Variants in FHIT observed in about 807,000 individuals in gnomAD.
FHIT encodes bis(5'-adenosyl)-triphosphatase.
Under a neutral mutation model 17.9 loss-of-function variants are expected in FHIT, and 19 were observed. That is an observed-to-expected ratio of 1.06 (90% CI 0.74 to 1.56). The LOEUF (loss-of-function observed/expected upper bound fraction) is 1.56. FHIT is among the 40% of genes most tolerant of loss of function. The probability of loss-of-function intolerance (pLI) is 0.00; values close to 1 mark genes in which losing one functional copy is unlikely to be tolerated. For synonymous variants in FHIT, 81 were observed against 69.7 expected (o/e 1.16, Z -0.81); for missense variants, 248 against 189.2 (o/e 1.31, Z -1.82).
chr3:61,225,787 G>C (rs1389929681), intron 1 of FHIT, among the ~76,000 whole-genome samples: 1 of 152,180 alleles, frequency 6.6e-6, no homozygotes, highest in Non-Finnish European at 1.5e-5. Flanking sequence ...GTTGTAGCTT[G>C]TTTTCCATCA....
At chr3:61,131,411 A>T (rs1158006817) in intron 2 of FHIT, among the ~76,000 whole-genome samples, 2 of 152,220 alleles carry the variant, frequency 1.3e-5, no homozygotes, top group East Asian at 3.8e-4. Flanking sequence ...TTTGGTTGTT[A>T]TCAAAATATT....
intron 8 of FHIT, among the ~76,000 whole-genome samples, chr3:59,901,863 A>C (rs1010769168): frequency 1.3e-5 from 2 of 152,228 alleles, no homozygotes; most frequent in Non-Finnish European, 2.9e-5. Context: ...ATTATTCATA[A>C]GAAGCAAAAA....
At chr3:59,979,750 C>A (rs1038835025) in intron 7 of FHIT, among the ~76,000 whole-genome samples, 1 of 152,042 alleles carries the variant, frequency 6.6e-6, no homozygotes, top group Non-Finnish European at 1.5e-5. Context: ...TCCCACCCTG[C>A]CCATAAATGA....
At chr3:60,087,104 C>T (rs1355913730) in intron 5 of FHIT, among the ~76,000 whole-genome samples, 7 of 152,216 alleles carry the variant, frequency 4.6e-5, no homozygotes, top group Non-Finnish European at 8.8e-5. Flanking sequence ...AGGCTCATGG[C>T]TTGCACCCTC....
chr3:60,437,743 A>G (rs372068989), intron 5 of FHIT, among the ~76,000 whole-genome samples: 2 of 152,136 alleles, frequency 1.3e-5, no homozygotes, highest in African/African-American at 2.4e-5. Context: ...ATGTTACTAA[A>G]TAAAGGCCTT....
rs115345841 is a variant in FHIT, at chr3:60,017,664, C to T, written c.104-3512G>A. On this transcript the variant is annotated intron_variant, in intron 5 of 9. Coordinates refer to ENST00000492590, the MANE Select transcript of FHIT (RefSeq NM_002012.4). ...TTTTGTTTTCCCTTTTCGTCTCCTC[C>T]TCTTCATGCTCACCACCAGCCCAGA... 2.4e-3 allele frequency among the ~76,000 whole-genome samples: 363 copies of T among 152,278 alleles called. 2 individuals carry two copies. The highest frequency in any genetic ancestry group is 8.5e-3 in the African/African-American group (354 of 41,558).
chr3:61,153,142 C>CAAAAAA (rs372065718), intron 2 of FHIT, among the ~76,000 whole-genome samples: 5 of 78,402 alleles, frequency 6.4e-5, no homozygotes, highest in Non-Finnish European at 8.4e-5. Flanking sequence ...GACTCCATCT[C>CAAAAAA]AAAAAAAAAA....
chr3:60,328,390 G>C (rs951306113), intron 5 of FHIT, among the ~76,000 whole-genome samples: 1 of 152,196 alleles, frequency 6.6e-6, no homozygotes, highest in Non-Finnish European at 1.5e-5. Flanking sequence ...CACATGGCTG[G>C]AGAGGCCTTA....
At chr3:60,939,691 T>C (rs575471464) in intron 3 of FHIT, among the ~76,000 whole-genome samples, 3 of 152,160 alleles carry the variant, frequency 2.0e-5, no homozygotes, top group Non-Finnish European at 4.4e-5. Flanking sequence ...GAAATTATTA[T>C]AACCGAAGAC....
At chr3:60,418,372 GTGTGTATATATATATATATA>G (rs1314948654) in intron 5 of FHIT, among the ~76,000 whole-genome samples, 15 of 5,338 alleles carry the variant, frequency 2.8e-3, no homozygotes, top group Non-Finnish European at 6.8e-3. Context: ...GTATCTGAAT[GTGTGTATATATATATATATA>G]TATATATATA....
intron 5 of FHIT, among the ~76,000 whole-genome samples, chr3:60,345,538 A>C (rs1031123045): frequency 1.3e-5 from 2 of 152,222 alleles, no homozygotes; most frequent in African/African-American, 4.8e-5. Context: ...AGATTTCAGA[A>C]AACCAATTGT....
intron 4 of FHIT, chr3:60,732,357 C>A: frequency 2.3e-6 from 2 of 856,494 alleles, no homozygotes; most frequent in Non-Finnish European, 4.0e-6. Flanking sequence ...GATGCCAGTA[C>A]CTCTATGCTT....
intron 3 of FHIT, among the ~76,000 whole-genome samples, chr3:60,882,370 T>C (rs1401221888): frequency 2.6e-5 from 4 of 152,118 alleles, no homozygotes; most frequent in Non-Finnish European, 4.4e-5. Context: ...TCTTTCAAGC[T>C]GATTCTACAA....
At chr3:60,629,753 A>G (rs1358888177) in intron 4 of FHIT, among the ~76,000 whole-genome samples, 2 of 152,140 alleles carry the variant, frequency 1.3e-5, no homozygotes, top group Non-Finnish European at 2.9e-5. Flanking sequence ...TGATTGCTTT[A>G]ATGTATCTAG....
chr3:60,304,659 C>T (rs751048118), intron 5 of FHIT, among the ~76,000 whole-genome samples: 5 of 152,036 alleles, frequency 3.3e-5, no homozygotes, highest in African/African-American at 1.2e-4. Context: ...AGTATATGTG[C>T]CATATATTGC....
At chr3:61,145,761 TTGGC>T (rs202121102) in intron 2 of FHIT, among the ~76,000 whole-genome samples, 4,369 of 114,498 alleles carry the variant, frequency 0.038, 79 homozygotes, top group Admixed American at 0.048. Flanking sequence ...ATTTTATTTT[TTGGC>T]TGCTATTATA....
intron 5 of FHIT, among the ~76,000 whole-genome samples, chr3:60,102,207 TAAC>T (rs565739408): frequency 2.1e-3 from 316 of 152,326 alleles, no homozygotes; most frequent in African/African-American, 7.1e-3. Flanking sequence ...TCCTGAGAAC[TAAC>T]AACATCTCAA....
intron 3 of FHIT, among the ~76,000 whole-genome samples, chr3:60,902,490 T>C (rs1274350268): frequency 6.6e-6 from 1 of 152,216 alleles, no homozygotes; most frequent in Admixed American, 6.5e-5. Flanking sequence ...GAGATGCCCA[T>C]AGCCAGGCCT....
intron 4 of FHIT, among the ~76,000 whole-genome samples, chr3:60,602,012 G>A (rs2038459287): frequency 6.6e-6 from 1 of 151,994 alleles, no homozygotes; most frequent in South Asian, 2.1e-4. Flanking sequence ...AAAAGGCAAG[G>A]AACTTGTTCA....
Sources: allele counts gnomAD v4.1 joint callset (sites outside exome capture counted in the v4.1 genomes callset), GRCh38; gene constraint gnomAD v4.1.1; transcripts MANE v1.5; gene names NCBI Gene and HGNC (gene_info 2026-07-23, HGNC 2026-07-21).